Variants in CPEB3 observed in about 807,000 individuals in gnomAD.
CPEB3 encodes the protein cytoplasmic polyadenylation element binding protein 3.
Under a neutral mutation model 67.2 loss-of-function variants are expected in CPEB3, and 20 were observed. That is an observed-to-expected ratio of 0.30 (90% CI 0.21 to 0.43). The LOEUF is 0.43. Among genes scored for constraint, CPEB3 ranks in the 20% least tolerant of loss-of-function variants. The probability of loss-of-function intolerance (pLI) is 1.00; values close to 1 mark genes in which losing one functional copy is unlikely to be tolerated. For missense variants in CPEB3, 746 were observed against 968.6 expected, an observed-to-expected ratio of 0.77 and a Z score of 3.05; for synonymous variants, 376 against 393.1, an observed-to-expected ratio of 0.96 and a Z score of 0.51.
intron 8 of CPEB3, among the ~76,000 whole-genome samples, chr10:92,082,315 C>T (rs563681226): frequency 4.5e-4 from 69 of 152,226 alleles, no homozygotes; most frequent in Admixed American, 1.2e-3. Flanking sequence ...GACAGAGTCT[C>T]GCTCTGTTGC....
chr10:92,276,209 T>C (rs1841976473), intron 1 of CPEB3, among the ~76,000 whole-genome samples: 1 of 152,042 alleles, frequency 6.6e-6, no homozygotes, highest in African/African-American at 2.4e-5. Context: ...TATCCATTCA[T>C]CAGTTGATGG....
chr10:92,212,414 A>G (rs1850142982), intron 2 of CPEB3, among the ~76,000 whole-genome samples: 1 of 150,700 alleles, frequency 6.6e-6, no homozygotes. Context: ...CTGCCCAGCT[A>G]ATTTTTGTGT....
intron 4 of CPEB3, among the ~76,000 whole-genome samples, chr10:92,163,928 TG>T (rs1847616946): frequency 6.6e-6 from 1 of 152,234 alleles, no homozygotes; most frequent in Admixed American, 6.5e-5. Context: ...AGCATTTGGA[TG>T]TCTTAAAACT....
chr10:92,164,828 C>A (rs1040710785), intron 4 of CPEB3, among the ~76,000 whole-genome samples: 4 of 152,132 alleles, frequency 2.6e-5, no homozygotes. Context: ...TTCAGCAGCA[C>A]AATCCAAAAT....
At chr10:92,246,075 C>T (rs1230525409) in intron 1 of CPEB3, among the ~76,000 whole-genome samples, 1 of 151,112 alleles carries the variant, frequency 6.6e-6, no homozygotes, top group East Asian at 2.0e-4. Context: ...GTGGCTCAAG[C>T]CTGTAATCCC....
At chr10:92,135,201 A>C (rs952672298) in intron 6 of CPEB3, among the ~76,000 whole-genome samples, 6 of 152,250 alleles carry the variant, frequency 3.9e-5, no homozygotes, top group Non-Finnish European at 5.9e-5. Context: ...GCACAGCAAA[A>C]GAAACTACCA....
At chr10:92,189,957 A>C (rs1395173023) in intron 3 of CPEB3, among the ~76,000 whole-genome samples, 1 of 152,030 alleles carries the variant, frequency 6.6e-6, no homozygotes, top group East Asian at 1.9e-4. Flanking sequence ...GGAAAAAAAA[A>C]CACCAAAACA....
intron 2 of CPEB3, among the ~76,000 whole-genome samples, chr10:92,198,020 C>T (rs1014045534): frequency 6.6e-6 from 1 of 152,164 alleles, no homozygotes; most frequent in Non-Finnish European, 1.5e-5. Flanking sequence ...GCAGGAGAAT[C>T]GCTTGAACCC....
At chr10:92,181,145 G>A in intron 3 of CPEB3, 126 bp from the exon 4 acceptor site, 1 of 543,158 alleles carries the variant, frequency 1.8e-6, no homozygotes, top group Admixed American at 3.7e-5. Context: ...AAAGGCCAAA[G>A]CAGTTACAAC....
intron 1 of CPEB3, among the ~76,000 whole-genome samples, chr10:92,249,748 G>A (rs918120660): frequency 1.3e-5 from 2 of 151,958 alleles, no homozygotes; most frequent in South Asian, 2.1e-4. Flanking sequence ...GGCCAGGAGC[G>A]GTGGCTCATG....
chr10:92,213,784 A>G (rs1328432772), intron 2 of CPEB3, among the ~76,000 whole-genome samples: 2 of 152,190 alleles, frequency 1.3e-5, no homozygotes, highest in African/African-American at 4.8e-5. Context: ...CCCAACAACT[A>G]GGGTAAATCT....
At chr10:92,195,606 A>T (rs1053169813) in intron 2 of CPEB3, among the ~76,000 whole-genome samples, 2 of 152,222 alleles carry the variant, frequency 1.3e-5, no homozygotes, top group African/African-American at 4.8e-5. Flanking sequence ...GGAGCCCTCT[A>T]TCACATCCAC....
At chr10:92,214,909 G>A (rs924880227) in intron 2 of CPEB3, among the ~76,000 whole-genome samples, 6 of 151,972 alleles carry the variant, frequency 3.9e-5, no homozygotes, top group African/African-American at 1.5e-4. Flanking sequence ...GTGCAGTGGT[G>A]CAATCTTGGC....
chr10:92,182,865 C>T (rs1246646612), intron 3 of CPEB3, among the ~76,000 whole-genome samples: 2 of 150,182 alleles, frequency 1.3e-5, no homozygotes, highest in African/African-American at 4.9e-5. Context: ...AAAACAAAAC[C>T]CTCGCAAGTG....
rs371911549 is a variant in CPEB3, at chr10:92,195,046, A to AACACACACAC, written c.1006-2420_1006-2411dup. Among the ~76,000 whole-genome samples the AACACACACAC allele has an allele frequency of 1.5e-3, 176 of 117,146 alleles. 2 individuals carry two copies. The highest frequency in any genetic ancestry group is 3.7e-3 in the African/African-American group (130 of 35,048). 76.9% of individuals were successfully genotyped at this position (117,146 alleles called of 152,430 possible). ...GCGACAGAGCGAGACTGTCTCAAAA[A>AACACACACAC]ACACACACACACACACACACACACA... On this transcript the variant is annotated intron_variant, in intron 2 of 9. Transcript: ENST00000265997.
chr10:92,126,253 G>A (rs2133667518), intron 6 of CPEB3, among the ~76,000 whole-genome samples: 1 of 152,232 alleles, frequency 6.6e-6, no homozygotes, highest in East Asian at 1.9e-4. Flanking sequence ...ACACACCCTA[G>A]TACAGCCTCC....
intron 2 of CPEB3, among the ~76,000 whole-genome samples, chr10:92,212,611 T>C (rs563361495): frequency 6.3e-4 from 96 of 152,282 alleles, no homozygotes; most frequent in South Asian, 6.2e-4. Context: ...TATTGAGCAC[T>C]TGAAATGTCG....
intron 8 of CPEB3, among the ~76,000 whole-genome samples, chr10:92,085,506 T>C (rs1388017641): frequency 6.6e-6 from 1 of 152,212 alleles, no homozygotes; most frequent in African/African-American, 2.4e-5. Context: ...ATATGGAGCA[T>C]AGCATCCCCA....
chr10:92,288,222 G>A (rs901160225), intron 1 of CPEB3, among the ~76,000 whole-genome samples: 5 of 152,130 alleles, frequency 3.3e-5, no homozygotes, highest in African/African-American at 1.2e-4. Flanking sequence ...CATTTTGGGA[G>A]GCCGAGGTGG....
Sources: allele counts gnomAD v4.1 joint callset (sites outside exome capture counted in the v4.1 genomes callset), GRCh38; gene constraint gnomAD v4.1.1; transcripts MANE v1.5; gene names NCBI Gene and HGNC (gene_info 2026-07-23, HGNC 2026-07-21).